TANC1: variants seen among roughly 807,000 people sequenced by gnomAD.
The protein encoded by TANC1 is tetratricopeptide repeat, ankyrin repeat and coiled-coil containing 1, also known as protein TANC1.
Under a neutral mutation model 149.7 loss-of-function variants are expected in TANC1, and 77 were observed. The observed-to-expected ratio is 0.51, with a 90% CI of 0.43 to 0.62. The LOEUF (loss-of-function observed/expected upper bound fraction) is 0.62. Among genes scored for constraint, TANC1 ranks in the 20% least tolerant of loss-of-function variants. TANC1 has a pLI of 0.00. For missense variants in TANC1, 1,985 were observed against 2,321.8 expected (o/e 0.85, Z 2.98); for synonymous variants, 854 against 925.0 (o/e 0.92, Z 1.39).
chr2:159,121,420 G>A (rs1453654582), intron 4 of TANC1, among the ~76,000 whole-genome samples: 2 of 152,088 alleles, frequency 1.3e-5, no homozygotes, highest in Non-Finnish European at 2.9e-5. Flanking sequence ...TGCAACCTCT[G>A]CCTCCTGGGT....
At chr2:158,978,996 C>CAATGAGTTTTTAAGTGT (rs1053265051) in intron 1 of TANC1, among the ~76,000 whole-genome samples, 1 of 152,148 alleles carries the variant, frequency 6.6e-6, no homozygotes, top group South Asian at 2.1e-4. Flanking sequence ...AGGGCATTTC[C>CAATGAGTTTTTAAGTGT]AATGAGTTTT....
chr2:159,072,423 T>C (rs1329528522), intron 3 of TANC1, among the ~76,000 whole-genome samples: 1 of 152,214 alleles, frequency 6.6e-6, no homozygotes, highest in African/African-American at 2.4e-5. Context: ...CAGACTCACA[T>C]CCCTGCTCGA....
intron 4 of TANC1, among the ~76,000 whole-genome samples, chr2:159,107,909 T>G (rs2047347142): frequency 6.6e-6 from 1 of 152,242 alleles, no homozygotes; most frequent in South Asian, 2.1e-4. Flanking sequence ...ACATTCTCTG[T>G]AAGGACTGCT....
chr2:159,222,774 C>T (rs59504377), intron 22 of TANC1, among the ~76,000 whole-genome samples: 6,145 of 152,244 alleles, frequency 0.04, 395 homozygotes, highest in African/African-American at 0.14. Context: ...ATTTCTGGCT[C>T]ATATAGTGAT....
intron 2 of TANC1, among the ~76,000 whole-genome samples, chr2:159,036,000 G>A (rs1212245545): frequency 6.6e-6 from 1 of 152,206 alleles, no homozygotes; most frequent in Non-Finnish European, 1.5e-5. Flanking sequence ...GAGAGTGGGC[G>A]TGCTGTGGGC....
chr2:159,134,104 C>T (rs1352350607), intron 4 of TANC1, among the ~76,000 whole-genome samples: 1 of 152,120 alleles, frequency 6.6e-6, no homozygotes, highest in Non-Finnish European at 1.5e-5. Context: ...GGAACTGGGC[C>T]CCTGGGACTG....
At chr2:159,096,764 G>A (rs1340062021) in intron 3 of TANC1, among the ~76,000 whole-genome samples, 2 of 152,188 alleles carry the variant, frequency 1.3e-5, no homozygotes, top group Non-Finnish European at 2.9e-5. Flanking sequence ...TGACCGGGAT[G>A]AGTCAGGACA....
At chr2:159,039,565 TG>T (rs1195928296) in intron 2 of TANC1, among the ~76,000 whole-genome samples, 1 of 152,202 alleles carries the variant, frequency 6.6e-6, no homozygotes, top group Non-Finnish European at 1.5e-5. Context: ...TTGTTCTCAT[TG>T]GTTTCAAAAA....
chr2:159,194,757 A>G (rs2057727901), intron 17 of TANC1, among the ~76,000 whole-genome samples: 1 of 152,268 alleles, frequency 6.6e-6, no homozygotes, highest in Non-Finnish European at 1.5e-5. Flanking sequence ...GAGGAGGGCC[A>G]GCCTTTAAAA....
At chr2:159,192,393 C>G (rs1189724388) in intron 16 of TANC1, among the ~76,000 whole-genome samples, 1 of 152,106 alleles carries the variant, frequency 6.6e-6, no homozygotes, top group African/African-American at 2.4e-5. Flanking sequence ...AAGCAGTCCT[C>G]CCTCCTCAGC....
intron 5 of TANC1, among the ~76,000 whole-genome samples, chr2:159,139,044 A>AT (rs912220855): frequency 2.0e-4 from 30 of 151,770 alleles, no homozygotes; most frequent in African/African-American, 5.6e-4. Flanking sequence ...AAGAAGATGA[A>AT]TTTTTTTTTG....
intron 22 of TANC1, among the ~76,000 whole-genome samples, chr2:159,222,433 G>A (rs2059764509): frequency 2.0e-5 from 3 of 151,944 alleles, no homozygotes; most frequent in Non-Finnish European, 2.9e-5. Context: ...ACTCTACTTT[G>A]TGAGTTTTTT....
chr2:158,991,667 A>G lies in TANC1; in HGVS notation c.-125-9413A>G, dbSNP rs939920861. 2.6e-5 allele frequency among the ~76,000 whole-genome samples: 4 copies of G among 151,934 alleles called. No homozygotes were observed. In the South Asian group the frequency reaches 8.3e-4, roughly 32 times the overall value. On this transcript the variant is annotated intron_variant, in intron 1 of 26. Transcript: ENST00000263635. ...AGGCTGAGGCGGGAGAATGGCGTGA[A>G]CCTGGGAGGCGGAGCTTGCAGTGAG... is the stretch of plus-strand genomic sequence containing the variant.
chr2:159,123,957 A>G (rs1376589741), intron 4 of TANC1, among the ~76,000 whole-genome samples: 1 of 152,042 alleles, frequency 6.6e-6, no homozygotes, highest in Non-Finnish European at 1.5e-5. Context: ...TTCCCAAGTC[A>G]TTTAACATCA....
At chr2:159,217,962 G>A (rs1468844492) in intron 20 of TANC1, among the ~76,000 whole-genome samples, 6 of 152,214 alleles carry the variant, frequency 3.9e-5, no homozygotes, top group Admixed American at 1.3e-4. Flanking sequence ...GTTTGGTGAC[G>A]CATTTGTCCA....
At position 159,225,683 on chromosome 2, in the gene TANC1, T is replaced by C; in HGVS notation, c.3812-5T>C. On this transcript the variant is annotated splice_region_variant and splice_polypyrimidine_tract_variant and intron_variant, in intron 23 of 26. Coordinates refer to ENST00000263635, the MANE Select transcript of TANC1 (RefSeq NM_033394.3). ...AGTGCCTCTGAATGCGTGTTTGTTT[T>C]GCAGGAAATGCTGCTTGGGCGATGG... 6.2e-7 allele frequency: 1 copy of C among 1,613,546 alleles called. No individual in the cohort carries two copies.
intron 4 of TANC1, among the ~76,000 whole-genome samples, chr2:159,135,467 G>A (rs747920244): frequency 3.3e-5 from 5 of 152,244 alleles, no homozygotes; most frequent in Non-Finnish European, 5.9e-5. Context: ...CCTTTTGAAC[G>A]ACTGCCAAAC....
chr2:159,066,111 A>T (rs2042637258), intron 3 of TANC1, 140 bp downstream of exon 3: 2 of 719,774 alleles, frequency 2.8e-6, no homozygotes, highest in Non-Finnish European at 5.1e-6. Flanking sequence ...GCTGGAGGCT[A>T]TGAGAAATGA....
rs370708502 is a variant in TANC1 at position 159,224,322 on chromosome 2, A to G, written c.3769A>G (p.Thr1257Ala). 2.5e-6 allele frequency: 4 copies of G among 1,614,180 alleles called. No individual in the cohort carries two copies. Among genetic ancestry groups the G allele is most frequent in the South Asian group, 2.2e-5 (2 of 91,076 alleles). ...PLDRAIGCRN[T>A]SVVVALLRKG... ...GGACAGAGCCATCGGCTGCCGGAAC[A>G]CATCTGTAGTGGTGGCGCTACTCAG... The change falls in exon 23 of 27, where the codon ACA becomes GCA. Residue 1257 changes from threonine (T) to alanine (A), a missense_variant. Thr to Ala is a moderately conservative substitution (Grantham distance 58). Coordinates refer to ENST00000263635, the MANE Select transcript of TANC1 (RefSeq NM_033394.3).
Sources: allele counts gnomAD v4.1 joint callset (sites outside exome capture counted in the v4.1 genomes callset), GRCh38; gene constraint gnomAD v4.1.1; transcripts MANE v1.5; gene names NCBI Gene and HGNC (gene_info 2026-07-23, HGNC 2026-07-21).